EP300: variants seen among roughly 807,000 people sequenced by gnomAD.
EP300 encodes EP300 lysine acetyltransferase.
EP300 carries 31 observed loss-of-function variants against 264.0 expected under a neutral mutation model. The observed-to-expected ratio is 0.12, with a 90% CI of 0.09 to 0.16. EP300 has a LOEUF of 0.16. EP300 is among the 10% of genes least tolerant of loss of function. The pLI is 1.00. For missense variants in EP300, 2,766 were observed against 3,052.9 expected, an observed-to-expected ratio of 0.91 and a Z score of 2.21; for synonymous variants, 1,340 against 1,045.4, an observed-to-expected ratio of 1.28 and a Z score of -5.44.
chr22:41,154,980 C>CTT lies in EP300; in HGVS notation c.3143-5_3143-4dup, dbSNP rs757931697. On this transcript the variant is annotated splice_polypyrimidine_tract_variant and intron_variant, in intron 16 of 30. Coordinates refer to ENST00000263253, the MANE Select transcript of EP300 (RefSeq NM_001429.4). ...TAATTGGTAACTAATTTCAAATGCACTTTTTTTTTTTAAGTTTTCAAACCA... is the reference window on the plus strand; with the variant it reads ...TAATTGGTAACTAATTTCAAATGCACTTTTTTTTTTTTTAAGTTTTCAAACCA... 6.7e-4 allele frequency: 793 copies of CTT among 1,191,678 alleles called. 2 individuals carry two copies. In the African/African-American group the frequency reaches 7.5e-3, roughly 11 times the overall value. 73.8% of individuals were successfully genotyped at this position (1,191,678 alleles called of 1,614,324 possible).
chr22:41,136,773 A>T (rs995565187), intron 7 of EP300, among the ~76,000 whole-genome samples: 1 of 152,098 alleles, frequency 6.6e-6, no homozygotes, highest in African/African-American at 2.4e-5. Context: ...TTAGAAAACT[A>T]AGTATGGGCC....
chr22:41,121,073 G>A (rs1185196258), intron 2 of EP300, among the ~76,000 whole-genome samples: 1 of 152,184 alleles, frequency 6.6e-6, no homozygotes, highest in African/African-American at 2.4e-5. Context: ...GGAGGCTGAG[G>A]CAGGAGGATC....
At position 41,179,766 on chromosome 22, in the gene EP300, TAAA is replaced by T; in HGVS notation, c.*815_*817del. ...TTCGTTATTTTTACATCTAACAAAG[TAAA>T]AAAATTAAAAAGAGGGTAAGAAACG... On this transcript the variant is annotated 3_prime_UTR_variant, in exon 31 of 31. Transcript: ENST00000263253. The T allele has an allele frequency of 4.3e-6, 1 of 230,932 alleles. No homozygotes were observed. Among genetic ancestry groups the T allele is most frequent in the African/African-American group, 2.2e-5 (1 of 45,166 alleles). The allele number at this position is 230,932 out of a possible 1,614,324, so 14.3% of individuals were successfully genotyped here.
At position 41,109,232 on chromosome 22, in the gene EP300, C is replaced by T. The variant is rs1307446799; in HGVS notation, c.95-7955C>T. Among the ~76,000 whole-genome samples, 22 of 130,462 alleles carry T rather than the reference C, an allele frequency of 1.7e-4. No individual in the cohort carries two copies. In the Admixed American group the frequency reaches 1.9e-3, roughly 11 times the overall value. 85.6% of individuals were successfully genotyped at this position (130,462 alleles called of 152,430 possible). A position where few individuals can be genotyped will look rare whatever the true frequency, so the allele number is the denominator to read the frequency against. Reference sequence around the variant, plus strand: ...TCCCGTCGCTCCACTCCAGGCTGGGCGACAGAGCAAGACCCTGTCTCAAAA... The same window carrying T: ...TCCCGTCGCTCCACTCCAGGCTGGGTGACAGAGCAAGACCCTGTCTCAAAA... On this transcript the variant is annotated intron_variant, in intron 1 of 30. Coordinates refer to ENST00000263253, the MANE Select transcript of EP300 (RefSeq NM_001429.4).
At chr22:41,109,253 C>A (rs1230976681) in intron 1 of EP300, among the ~76,000 whole-genome samples, 395 of 115,908 alleles carry the variant, frequency 3.4e-3, no homozygotes, top group African/African-American at 4.9e-3. Context: ...GACCCTGTCT[C>A]AAAAAAAAAA....
At chr22:41,141,673 TTTTTTC>T (rs2058983316) in intron 10 of EP300, among the ~76,000 whole-genome samples, 1 of 151,910 alleles carries the variant, frequency 6.6e-6, no homozygotes. Context: ...CTCTTTTTTT[TTTTTTC>T]TTTTTCTTTT....
intron 1 of EP300, among the ~76,000 whole-genome samples, chr22:41,103,128 G>T (rs1428001547): frequency 6.6e-6 from 1 of 152,180 alleles, no homozygotes; most frequent in African/African-American, 2.4e-5. Context: ...GGGATTACAG[G>T]CATGAGCAGC....
rs1183406155 is a variant in EP300 at position 41,178,981 on chromosome 22, C to CAA, written c.*31_*32dup. The CAA allele has an allele frequency of 6.2e-6, 10 of 1,609,162 alleles. No homozygotes were observed. The highest frequency in any genetic ancestry group is 8.5e-6 in the Non-Finnish European group (10 of 1,178,808). ...GAGACACCTTGTAGTATTTTGGGAG[C>CAA]AAAAAAATTATTTTCTCTTAACAAG... On this transcript the variant is annotated 3_prime_UTR_variant, in exon 31 of 31. Transcript: ENST00000263253.
Position 41,178,986 on chromosome 22 carries a change from A to C in EP300, c.*30A>C. 1 of 1,611,600 alleles carries C rather than the reference A, an allele frequency of 6.2e-7. No individual in the cohort carries two copies. The highest frequency in any genetic ancestry group is 8.5e-7 in the Non-Finnish European group (1 of 1,179,614). On this transcript the variant is annotated 3_prime_UTR_variant, in exon 31 of 31. Transcript: ENST00000263253. ...ACCTTGTAGTATTTTGGGAGCAAAA[A>C]AATTATTTTCTCTTAACAAGACTTT...
At chr22:41,126,728 A>ATTTTT (rs2058884553) in intron 3 of EP300, among the ~76,000 whole-genome samples, 1 of 54,386 alleles carries the variant, frequency 1.8e-5, no homozygotes, top group Non-Finnish European at 3.7e-5. Context: ...AGAAATGTTC[A>ATTTTT]CTTTTTTTTT....
intron 6 of EP300, among the ~76,000 whole-genome samples, chr22:41,133,143 C>G (rs1756188874): frequency 7.6e-6 from 1 of 131,556 alleles, no homozygotes; most frequent in Admixed American, 9.1e-5. Context: ...CGCACCTGGC[C>G]TAAGATTATC....
chr22:41,161,531 G>A (rs578245761), intron 20 of EP300, among the ~76,000 whole-genome samples: 2 of 152,238 alleles, frequency 1.3e-5, no homozygotes, highest in Middle Eastern at 3.4e-3. Context: ...GCAGGAGAAC[G>A]GCGTGAACCC....
Position 41,115,957 on chromosome 22 carries a change from A to C in EP300, c.95-1230A>C, listed in dbSNP as rs144772380. Among the ~76,000 whole-genome samples, 746 of 152,318 alleles carry C rather than the reference A, an allele frequency of 4.9e-3. 4 individuals are homozygous for C. Among genetic ancestry groups the C allele is most frequent in the African/African-American group, 0.017 (716 of 41,576 alleles). ...CCACAAATGACAGGTCTTTTGTATC[A>C]GTTGTGTGTCTTTATGTATTACAAT... On this transcript the variant is annotated intron_variant, in intron 1 of 30. Coordinates refer to ENST00000263253, the MANE Select transcript of EP300 (RefSeq NM_001429.4).
rs1304923544 is a variant in EP300, at chr22:41,127,524, T to C, written c.944T>C (p.Leu315Pro). 10 of 1,614,108 alleles carry C rather than the reference T, an allele frequency of 6.2e-6. No individual in the cohort carries two copies. Among genetic ancestry groups the C allele is most frequent in the Non-Finnish European group, 7.6e-6 (9 of 1,180,038 alleles). The change falls in exon 4 of 31, where the codon CTG (leucine) becomes CCG (proline). Residue 315 changes from leucine to proline, a missense_variant. Transcript: ENST00000263253. ...GCCCCGCAGGTCCAGCAGCCAGGCC[T>C]GGTGACTCCAGTTGCCCAAGGGATG... The part of the protein sequence containing the change: ...QPAPQVQQPG[L>P]VTPVAQGMGS...
In EP300 at chr22:41,178,637, C is replaced by T. The variant is rs2145522918; in HGVS notation, c.6926C>T (p.Ser2309Phe). 4 of 1,614,148 alleles carry T rather than the reference C, an allele frequency of 2.5e-6. No homozygotes were observed. Among genetic ancestry groups the T allele is most frequent in the Non-Finnish European group, 3.4e-6 (4 of 1,180,026 alleles). Residue 2309 changes from serine to phenylalanine, a missense_variant, in exon 31 of 31, where the codon TCT becomes TTT. By Grantham distance (155) the Ser-to-Phe change is radical (BLOSUM62 -2). Coordinates refer to ENST00000263253, the MANE Select transcript of EP300 (RefSeq NM_001429.4). ...IPNSLSNQVR[S>F]PQPVPSPRPQ... ...AATTCTCTCTCCAATCAAGTGCGCT[C>T]TCCCCAGCCTGTCCCTTCTCCACGG...
chr22:41,167,826 G>GTTTTTTTTTTTTTTTTTTTTTTTTT (rs1192332279), intron 23 of EP300, among the ~76,000 whole-genome samples: 10 of 32,180 alleles, frequency 3.1e-4, no homozygotes, highest in East Asian at 1.6e-3. Flanking sequence ...TTTTTTTTTT[G>GTTTTTTTTTTTTTTTTTTTTTTTTT]TTTTTTTTTT....
Position 41,147,897 on chromosome 22 carries a change from C to A in EP300, c.2192C>A (p.Pro731His), listed in dbSNP as rs769662215. The A allele has an allele frequency of 6.2e-7, 1 of 1,614,132 alleles. No homozygotes were observed. The highest frequency in any genetic ancestry group is 2.2e-5 in the East Asian group (1 of 44,884). Residue 731 changes from proline (P) to histidine (H), a missense_variant, in exon 12 of 31, where the codon CCT becomes CAT. Coordinates refer to ENST00000263253, the MANE Select transcript of EP300 (RefSeq NM_001429.4). ...AQPPIVPRQT[P>H]PLQHHGQLAQ... ...CCCCCTATTGTACCCCGGCAAACCC[C>A]TCCTCTTCAGCACCATGGACAGTTG... is the stretch of plus-strand genomic sequence containing the variant.
intron 29 of EP300, 77 bp downstream of exon 29, chr22:41,173,861 C>T (rs2145772281): frequency 6.3e-7 from 1 of 1,585,920 alleles, no homozygotes; most frequent in South Asian, 1.1e-5. Context: ...CCTGTAATCC[C>T]AGCACTTTGG....
At chr22:41,144,475 C>T (rs1173505253) in intron 10 of EP300, among the ~76,000 whole-genome samples, 1 of 151,632 alleles carries the variant, frequency 6.6e-6, no homozygotes, top group Non-Finnish European at 1.5e-5. Context: ...CACTTCAGCC[C>T]CCCAAGTAGC....
Sources: gnomAD v4.1 joint callset for allele counts (sites outside exome capture counted in the v4.1 genomes callset) on GRCh38, gnomAD v4.1.1 for gene constraint, MANE v1.5 for transcripts, NCBI Gene and HGNC (gene_info 2026-07-23, HGNC 2026-07-21) for gene names.